PDGFD: variants seen among roughly 807,000 people sequenced by gnomAD.
PDGFD encodes the protein platelet-derived growth factor D.
A neutral mutation model predicts 44.7 loss-of-function variants in PDGFD; 30 were observed. The observed-to-expected ratio is 0.67, with a 90% CI of 0.50 to 0.91. The LOEUF (loss-of-function observed/expected upper bound fraction) is 0.91, where lower values mean the gene tolerates loss of function less well. Among genes scored for constraint, PDGFD ranks in the 40% least tolerant of loss-of-function variants. PDGFD has a pLI of 0.00. For synonymous variants in PDGFD, 173 were observed against 168.4 expected, an observed-to-expected ratio of 1.03 and a Z score of -0.21; for missense variants, 445 against 457.8, an observed-to-expected ratio of 0.97 and a Z score of 0.25.
chr11:104,064,969 A>G (rs1371797318), intron 1 of PDGFD, among the ~76,000 whole-genome samples: 1 of 152,198 alleles, frequency 6.6e-6, no homozygotes, highest in Non-Finnish European at 1.5e-5. Flanking sequence ...TTAACATTTG[A>G]GTCAGTGGAC....
intron 1 of PDGFD, among the ~76,000 whole-genome samples, chr11:104,110,521 A>C (rs150736846): frequency 0.011 from 1,666 of 151,116 alleles, 19 homozygotes; most frequent in Admixed American, 0.022. Flanking sequence ...AAAAAACAAC[A>C]AAAAAAAGAA....
At chr11:103,929,041 T>C (rs1858360497) in intron 5 of PDGFD, among the ~76,000 whole-genome samples, 1 of 152,140 alleles carries the variant, frequency 6.6e-6, no homozygotes, top group Non-Finnish European at 1.5e-5. Context: ...GATCGTGATG[T>C]GTGAGAAGGC....
Position 104,012,402 on chromosome 11 carries a change from C to G in PDGFD, c.125-12147G>C, listed in dbSNP as rs1859798030. Among the ~76,000 whole-genome samples the G allele has an allele frequency of 2.6e-5, 4 of 152,144 alleles. 1 individual carries two copies. The South Asian group carries it at 8.3e-4, about 31-fold the overall frequency. On this transcript the variant is annotated intron_variant, in intron 1 of 6. Transcript: ENST00000393158. ...CTTTGAGATAATAAAAGACATTATACTTTTCTGGATAAATGCATGCTATTA... is the reference window on the plus strand; with the variant it reads ...CTTTGAGATAATAAAAGACATTATAGTTTTCTGGATAAATGCATGCTATTA...
At chr11:104,094,744 C>CA (rs1276630095) in intron 1 of PDGFD, among the ~76,000 whole-genome samples, 1 of 152,138 alleles carries the variant, frequency 6.6e-6, no homozygotes, top group Non-Finnish European at 1.5e-5. Context: ...CATTCATTGA[C>CA]AAATACAACA....
intron 1 of PDGFD, among the ~76,000 whole-genome samples, chr11:104,130,953 C>T (rs1283367942): frequency 6.6e-6 from 1 of 152,148 alleles, no homozygotes; most frequent in Non-Finnish European, 1.5e-5. Flanking sequence ...TAAACTGACA[C>T]AATATTTGCT....
At chr11:104,163,088 G>A (rs1421519287) in intron 1 of PDGFD, among the ~76,000 whole-genome samples, 1 of 152,142 alleles carries the variant, frequency 6.6e-6, no homozygotes, top group Non-Finnish European at 1.5e-5. Context: ...TTCAGGAGCT[G>A]TGCTCCTTGT....
At chr11:104,078,265 G>T (rs753959694) in intron 1 of PDGFD, among the ~76,000 whole-genome samples, 1 of 152,126 alleles carries the variant, frequency 6.6e-6, no homozygotes, top group Non-Finnish European at 1.5e-5. Context: ...ATACAACAGC[G>T]GCATTAACTC....
intron 3 of PDGFD, among the ~76,000 whole-genome samples, chr11:103,953,808 C>T (rs1195543995): frequency 1.3e-5 from 2 of 152,220 alleles, no homozygotes; most frequent in African/African-American, 4.8e-5. Context: ...ACGTTTCTCA[C>T]CAATTGCTAA....
intron 6 of PDGFD, among the ~76,000 whole-genome samples, chr11:103,920,977 A>G (rs1858207273): frequency 6.6e-6 from 1 of 152,204 alleles, no homozygotes; most frequent in Admixed American, 6.5e-5. Context: ...TTTGCCTGGG[A>G]ACTCAAAATT....
intron 2 of PDGFD, among the ~76,000 whole-genome samples, chr11:103,997,922 A>C (rs1190343811): frequency 6.6e-6 from 1 of 151,794 alleles, no homozygotes; most frequent in Non-Finnish European, 1.5e-5. Flanking sequence ...TACCTGCTAT[A>C]CTTCTACTTC....
At chr11:103,948,184 AC>A (rs1415907394) in intron 3 of PDGFD, among the ~76,000 whole-genome samples, 1 of 152,246 alleles carries the variant, frequency 6.6e-6, no homozygotes, top group Admixed American at 6.5e-5. Context: ...AAACTAGGTT[AC>A]GCATTATGTT....
In PDGFD at chr11:104,000,142, T is replaced by A. The variant is rs201507983; in HGVS notation, c.238A>T (p.Thr80Ser). Reference sequence around the variant, plus strand: ...TTCTCCTGAGAGTGAAGCCGCCATGTCAGGAGCAGGTTCCTGGGGTAGCTG... The same window carrying A: ...TTCTCCTGAGAGTGAAGCCGCCATGACAGGAGCAGGTTCCTGGGGTAGCTG... ...PNSYPRNLLL[T>S]WRLHSQENTR... is the part of the protein sequence containing the mutation. Residue 80 changes from threonine to serine, a missense_variant, in exon 2 of 7, where the codon ACA (threonine) becomes TCA (serine). Physicochemically the swap from Thr to Ser is moderately conservative, Grantham distance 58. Coordinates refer to ENST00000393158, the MANE Select transcript of PDGFD (RefSeq NM_025208.5). 1 of 1,614,114 alleles carries A rather than the reference T, an allele frequency of 6.2e-7. No homozygotes were observed. The highest frequency in any genetic ancestry group is 2.2e-5 in the East Asian group (1 of 44,858).
chr11:104,083,566 T>A (rs915622770), intron 1 of PDGFD, among the ~76,000 whole-genome samples: 6 of 152,244 alleles, frequency 3.9e-5, no homozygotes, highest in Non-Finnish European at 7.4e-5. Flanking sequence ...ACAGAAAATG[T>A]CTCTATTCTC....
chr11:104,119,077 A>T (rs1364475937), intron 1 of PDGFD, among the ~76,000 whole-genome samples: 3 of 1,206 alleles, frequency 2.5e-3, no homozygotes, highest in Non-Finnish European at 5.9e-3. Context: ...TATTGGTATA[A>T]TATATAATAT....
chr11:104,006,596 C>T (rs536564458), intron 1 of PDGFD, among the ~76,000 whole-genome samples: 58 of 152,280 alleles, frequency 3.8e-4, no homozygotes, highest in African/African-American at 1.3e-3. Context: ...CCACCCTATC[C>T]TGTACCCATA....
intron 1 of PDGFD, among the ~76,000 whole-genome samples, chr11:104,127,350 TAG>T (rs1565343197): frequency 6.6e-6 from 1 of 152,068 alleles, no homozygotes; most frequent in African/African-American, 2.4e-5. Context: ...GATCAGGACT[TAG>T]AGAGTTTTGA....
At chr11:104,061,418 T>C (rs1454360762) in intron 1 of PDGFD, among the ~76,000 whole-genome samples, 1 of 152,132 alleles carries the variant, frequency 6.6e-6, no homozygotes. Flanking sequence ...CAGAGAAATA[T>C]ATTTGAACAC....
At chr11:104,085,022 A>G (rs1421161280) in intron 1 of PDGFD, among the ~76,000 whole-genome samples, 1 of 150,520 alleles carries the variant, frequency 6.6e-6, no homozygotes, top group East Asian at 1.9e-4. Flanking sequence ...ATCTTACATA[A>G]CCATAGTATA....
intron 1 of PDGFD, among the ~76,000 whole-genome samples, chr11:104,123,256 G>A (rs1406847979): frequency 6.6e-6 from 1 of 151,996 alleles, no homozygotes; most frequent in African/African-American, 2.4e-5. Flanking sequence ...TAATGCTTAG[G>A]TCTTTATTAT....
Sources: allele counts gnomAD v4.1 joint callset (sites outside exome capture counted in the v4.1 genomes callset), GRCh38; gene constraint gnomAD v4.1.1; transcripts MANE v1.5; gene names NCBI Gene and HGNC (gene_info 2026-07-23, HGNC 2026-07-21).